Variants in CLMN observed in about 807,000 individuals in gnomAD.
CLMN encodes the protein calmin, also known as calmin (calponin-like, transmembrane).
Under a neutral mutation model 92.7 loss-of-function variants are expected in CLMN, and 57 were observed. The observed-to-expected ratio is 0.61, with a 90% CI of 0.50 to 0.77. CLMN has a LOEUF of 0.77. Among genes scored for constraint, CLMN ranks in the 30% least tolerant of loss-of-function variants. The pLI is 0.00. For missense variants in CLMN, 1,158 were observed against 1,237.5 expected (o/e 0.94, Z 0.96); for synonymous variants, 466 against 470.6 (o/e 0.99, Z 0.13).
rs1463403450 is a variant in CLMN at position 95,188,569 on chromosome 14, A to C, written c.*2995T>G. ...CAGCCTGGGTGTAGGGGAGGGTCCA[A>C]CATTGAAATAATAGGTGGTCCAGAA... is the stretch of plus-strand genomic sequence containing the variant. On this transcript the variant is annotated 3_prime_UTR_variant, in exon 13 of 13. Transcript: ENST00000298912. The C allele has an allele frequency of 2.0e-5, 3 of 152,232 alleles. No homozygotes were observed. The highest frequency in any genetic ancestry group is 7.2e-5 in the African/African-American group (3 of 41,452). The allele number at this position is 152,232 out of a possible 1,614,324, so 9.4% of individuals were successfully genotyped here. A position where few individuals can be genotyped will look rare whatever the true frequency, so the allele number is the denominator to read the frequency against.
In CLMN at chr14:95,204,172, C is replaced by A; in HGVS notation, c.1177G>T (p.Gly393Cys). 1 of 1,614,130 alleles carries A rather than the reference C, an allele frequency of 6.2e-7. No individual in the cohort carries two copies. Among genetic ancestry groups the A allele is most frequent in the Non-Finnish European group, 8.5e-7 (1 of 1,180,028 alleles). Residue 393 changes from glycine (G) to cysteine (C), a missense_variant, in exon 9 of 13, where the codon GGT becomes TGT. By Grantham distance (159) the Gly-to-Cys change is radical. Transcript: ENST00000298912. ...GGCTCACTGATGTCGCTGGTCTTAC[C>A]TGGGCCCCCTTGCAGGACCTGGTCA... ...IIDQVLQGGP[G>C]KTSDISEPSP...
At chr14:95,227,670 G>T (rs1277536529) in intron 2 of CLMN, among the ~76,000 whole-genome samples, 1 of 152,222 alleles carries the variant, frequency 6.6e-6, no homozygotes, top group Non-Finnish European at 1.5e-5. Context: ...AGATGGCAGG[G>T]GGAGAAATTG....
At position 95,319,832 on chromosome 14, in the gene CLMN, C is replaced by CGGCGGGAGCGGAGAGCCTGGCT; in HGVS notation, c.-41_-40insAGCCAGGCTCTCCGCTCCCGCC. The CGGCGGGAGCGGAGAGCCTGGCT allele has an allele frequency of 8.0e-7, 1 of 1,244,528 alleles. No homozygotes were observed. The highest frequency in any genetic ancestry group is 1.0e-6 in the Non-Finnish European group (1 of 982,298). 77.1% of individuals were successfully genotyped at this position (1,244,528 alleles called of 1,614,324 possible). A position where few individuals can be genotyped will look rare whatever the true frequency, so the allele number is the denominator to read the frequency against. ...AGAGCCCGGGCCAGCGCGGCGCGGG[C>CGGCGGGAGCGGAGAGCCTGGCT]GGCGGGCGCGGAGAGCCTGGCTGGC... On this transcript the variant is annotated 5_prime_UTR_variant, in exon 1 of 13. Transcript: ENST00000298912.
rs776553522 is a variant in CLMN, at chr14:95,209,311, C to T, written c.885+84G>A. On this transcript the variant is annotated intron_variant, in intron 8 of 12. Coordinates refer to ENST00000298912, the MANE Select transcript of CLMN (RefSeq NM_024734.4). ...TTTGACTGCTAGTTACACAGAGCAA[C>T]GCTGCCCACGTCCCTGCTTCGTCTG... 127 of 1,270,328 alleles carry T rather than the reference C, an allele frequency of 1.0e-4. 2 individuals carry two copies. The highest frequency in any genetic ancestry group is 8.3e-4 in the South Asian group (69 of 83,392). The allele number at this position is 1,270,328 out of a possible 1,614,324, so 78.7% of individuals were successfully genotyped here. A position where few individuals can be genotyped will look rare whatever the true frequency, so the allele number is the denominator to read the frequency against.
At chr14:95,278,622 T>A (rs1900025358) in intron 1 of CLMN, among the ~76,000 whole-genome samples, 1 of 152,222 alleles carries the variant, frequency 6.6e-6, no homozygotes. Flanking sequence ...TTACCTGACC[T>A]TTTTTAATTT....
chr14:95,218,130 T>C (rs890879738), intron 4 of CLMN, among the ~76,000 whole-genome samples: 17 of 152,284 alleles, frequency 1.1e-4, no homozygotes, highest in East Asian at 3.9e-4. Context: ...AGTGGACCAA[T>C]TGGTTTGTGG....
At position 95,188,562 on chromosome 14, in the gene CLMN, G is replaced by A. The variant is rs1896491157; in HGVS notation, c.*3002C>T. On this transcript the variant is annotated 3_prime_UTR_variant, in exon 13 of 13. Coordinates refer to ENST00000298912, the MANE Select transcript of CLMN (RefSeq NM_024734.4). ...AGAGCATCAGCCTGGGTGTAGGGGA[G>A]GGTCCAACATTGAAATAATAGGTGG... 1 of 152,134 alleles carries A rather than the reference G, an allele frequency of 6.6e-6. No individual in the cohort carries two copies. 9.4% of individuals were successfully genotyped at this position (152,134 alleles called of 1,614,324 possible). A position where few individuals can be genotyped will look rare whatever the true frequency, so the allele number is the denominator to read the frequency against.
At chr14:95,255,864 G>A (rs1307851011) in intron 1 of CLMN, among the ~76,000 whole-genome samples, 2 of 152,134 alleles carry the variant, frequency 1.3e-5, no homozygotes, top group Admixed American at 1.3e-4. Context: ...CTGCACTCCA[G>A]TGTTATTTTC....
At chr14:95,296,525 T>TCA (rs1900816342) in intron 1 of CLMN, among the ~76,000 whole-genome samples, 1 of 152,206 alleles carries the variant, frequency 6.6e-6, no homozygotes, top group Non-Finnish European at 1.5e-5. Context: ...GTGCAATTAA[T>TCA]CACAACCCAG....
intron 1 of CLMN, among the ~76,000 whole-genome samples, chr14:95,296,606 G>A (rs1326815703): frequency 6.6e-6 from 1 of 152,246 alleles, no homozygotes; most frequent in Non-Finnish European, 1.5e-5. Context: ...TCCATTAACA[G>A]AGAGCTAGCA....
At chr14:95,243,719 A>ATCTTT (rs1898348370) in intron 1 of CLMN, among the ~76,000 whole-genome samples, 1 of 139,484 alleles carries the variant, frequency 7.2e-6, no homozygotes, top group Non-Finnish European at 1.5e-5. Flanking sequence ...AATCTCCTCT[A>ATCTTT]TTTTTTTTTT....
intron 1 of CLMN, among the ~76,000 whole-genome samples, chr14:95,264,491 G>C (rs910057067): frequency 6.6e-6 from 1 of 152,112 alleles, no homozygotes; most frequent in African/African-American, 2.4e-5. Flanking sequence ...ACCATGCTCA[G>C]TACAGAGGGC....
chr14:95,248,205 A>G (rs1473666737), intron 1 of CLMN, among the ~76,000 whole-genome samples: 1 of 152,190 alleles, frequency 6.6e-6, no homozygotes, highest in South Asian at 2.1e-4. Flanking sequence ...TTTGATTCAG[A>G]CAATTTTTTA....
intron 1 of CLMN, among the ~76,000 whole-genome samples, chr14:95,252,290 C>T (rs755625853): frequency 2.0e-5 from 3 of 152,192 alleles, no homozygotes; most frequent in African/African-American, 4.8e-5. Context: ...AGCTGCTCCC[C>T]CTCACTGTCC....
At chr14:95,275,304 C>A (rs1899882864) in intron 1 of CLMN, among the ~76,000 whole-genome samples, 2 of 152,226 alleles carry the variant, frequency 1.3e-5, no homozygotes, top group South Asian at 2.1e-4. Context: ...TCACAAAGAC[C>A]CCACTGATAA....
rs148256436 is a variant in CLMN at position 95,220,371 on chromosome 14, T to G, written c.324+1320A>C. On this transcript the variant is annotated intron_variant, in intron 4 of 12. Transcript: ENST00000298912. ...TTTGCATTTTTAGTAGAGATGGCGT[T>G]TCATCATGTTGGCCAGGCTAGTCTT... is the stretch of plus-strand genomic sequence containing the variant. Among the ~76,000 whole-genome samples the G allele has an allele frequency of 1.7e-3, 265 of 152,188 alleles. 2 individuals are homozygous for G. The highest frequency in any genetic ancestry group is 2.9e-3 in the Admixed American group (45 of 15,300).
chr14:95,245,632 G>GGATGGATGGATGCA, intron 1 of CLMN, among the ~76,000 whole-genome samples: 1 of 116,276 alleles, frequency 8.6e-6, no homozygotes, highest in African/African-American at 3.5e-5. Flanking sequence ...GGGTGAGTGG[G>GGATGGATGGATGCA]TGGATGGATG....
chr14:95,204,601 T>C, intron 8 of CLMN, 138 bp from the exon 9 acceptor site: 1 of 800,474 alleles, frequency 1.2e-6, no homozygotes, highest in Non-Finnish European at 1.9e-6. Flanking sequence ...CAAACAAAAA[T>C]GGAAAAAGCC....
chr14:95,234,051 C>A (rs180950467), intron 1 of CLMN, among the ~76,000 whole-genome samples: 2 of 152,322 alleles, frequency 1.3e-5, no homozygotes, highest in East Asian at 3.9e-4. Context: ...GGAGAGACTG[C>A]GAGAACTCAA....
Sources: gnomAD v4.1 joint callset for allele counts (sites outside exome capture counted in the v4.1 genomes callset) on GRCh38, gnomAD v4.1.1 for gene constraint, MANE v1.5 for transcripts, NCBI Gene and HGNC (gene_info 2026-07-23, HGNC 2026-07-21) for gene names.